Variants in L1CAM observed in about 807,000 individuals in gnomAD.
L1CAM encodes the protein neural cell adhesion molecule L1.
In L1CAM, 8 loss-of-function variants were observed where a neutral mutation model predicts 93.0. The ratio of observed to expected loss-of-function variants is 0.09; its 90% CI spans 0.05 to 0.16. L1CAM has a LOEUF of 0.16. L1CAM is among the 10% of genes least tolerant of loss of function. The pLI is 1.00. For synonymous variants in L1CAM, 453 were observed against 453.0 expected, an observed-to-expected ratio of 1.00 and a Z score of 0.00; for missense variants, 777 against 1,073.4, an observed-to-expected ratio of 0.72 and a Z score of 3.86.
Position 153,867,520 on chromosome X carries a change from G to A in L1CAM, c.1973C>T (p.Ala658Val). ...YDIEFEDKEM[A>V]PEKWYSLGKV... Reference sequence around the variant, plus strand: ...GCCCAGACTGTACCATTTTTCAGGCGCCATTTCCTTGTCCTCAAATTCAAT... The same window carrying A: ...GCCCAGACTGTACCATTTTTCAGGCACCATTTCCTTGTCCTCAAATTCAAT... The change falls in exon 17 of 29, where the codon GCG becomes GTG. Residue 658 changes from alanine (A) to valine (V), a missense_variant. Coordinates refer to ENST00000370060, the MANE Select transcript of L1CAM (RefSeq NM_001278116.2). The A allele has an allele frequency of 2.5e-6, 3 of 1,210,850 alleles. No homozygotes were observed. Among genetic ancestry groups the A allele is most frequent in the East Asian group, 3.0e-5 (1 of 33,860 alleles).
intron 1 of L1CAM, among the ~76,000 whole-genome samples, chrX:153,885,000 G>C (rs2148507567): frequency 8.9e-6 from 1 of 112,508 alleles, no homozygotes; most frequent in South Asian, 3.7e-4. Flanking sequence ...CTGGAGAAGG[G>C]GGCAGATGGC....
chrX:153,884,610 G>C (rs2064867456), intron 1 of L1CAM: 1 of 175,921 alleles, frequency 5.7e-6, no homozygotes. Context: ...AGCCAAGGAG[G>C]TGGGAAGGTC....
chrX:153,871,947 G>A (rs917837035), intron 5 of L1CAM, among the ~76,000 whole-genome samples: 29 of 105,113 alleles, frequency 2.8e-4, no homozygotes, highest in Non-Finnish European at 4.1e-4. Context: ...TGAGATGACC[G>A]GAAGTGCAAT....
chrX:153,866,583 T>C, intron 19 of L1CAM, 66 bp downstream of exon 19: 1 of 811,578 alleles, frequency 1.2e-6, no homozygotes, highest in Non-Finnish European at 1.9e-6. Flanking sequence ...CTGAGAGGTG[T>C]GGACATGGGC....
Position 153,868,626 on chromosome X carries a change from C to T in L1CAM, c.1481G>A (p.Arg494His), listed in dbSNP as rs782038855. 8 of 1,211,450 alleles carry T rather than the reference C, an allele frequency of 6.6e-6. No individual in the cohort carries two copies. Among genetic ancestry groups the T allele is most frequent in the Non-Finnish European group, 8.9e-6 (8 of 895,308 alleles). Residue 494 changes from arginine (R) to histidine (H), a missense_variant, in exon 13 of 29, where the codon CGC becomes CAC. This residue lies in a region of L1CAM where 574 missense variants were observed against 781.0 expected (regional missense o/e 0.73). Transcript: ENST00000370060. ...GTCATTGGCAGCCAGGCAGAAGTAGCGTCCGGTGTCATTGGCCTGGAGGTC... is the reference window on the plus strand; with the variant it reads ...GTCATTGGCAGCCAGGCAGAAGTAGTGTCCGGTGTCATTGGCCTGGAGGTC... The part of the protein sequence containing the change: ...IRDLQANDTG[R>H]YFCLAANDQN...
Position 153,865,327 on chromosome X carries a change from G to A in L1CAM, c.2721C>T (p.Ser907=), listed in dbSNP as rs200799618. The A allele has an allele frequency of 6.8e-5, 82 of 1,209,205 alleles. No individual in the cohort carries two copies. Among genetic ancestry groups the A allele is most frequent in the Non-Finnish European group, 8.2e-5 (73 of 894,802 alleles). The change falls in exon 21 of 29, where the codon AGC becomes AGT. Residue 907 remains serine, a synonymous_variant. Coordinates refer to ENST00000370060, the MANE Select transcript of L1CAM (RefSeq NM_001278116.2). The part of the protein sequence containing the change: ...AFNGRGSGPA[S]EFTFSTPEGV... ...CCTCTGGGGTGCTGAAGGTGAACTCGCTGGCGGGCCCCGATCCTCGCCCGT... is the reference window on the plus strand; with the variant it reads ...CCTCTGGGGTGCTGAAGGTGAACTCACTGGCGGGCCCCGATCCTCGCCCGT...
At chrX:153,878,689 A>G (rs1557095124) in intron 1 of L1CAM, among the ~76,000 whole-genome samples, 1 of 111,589 alleles carries the variant, frequency 9.0e-6, no homozygotes, top group Non-Finnish European at 1.9e-5. Flanking sequence ...GAAAAGCTCA[A>G]AGAAGGACCC....
chrX:153,863,795 T>C (rs2064685637), intron 26 of L1CAM, 88 bp downstream of exon 26: 1 of 1,146,641 alleles, frequency 8.7e-7, no homozygotes, highest in South Asian at 1.8e-5. Flanking sequence ...GCTCGGGGAA[T>C]CCAGGAGGCC....
At chrX:153,884,397 G>C in intron 1 of L1CAM, 2 of 369,023 alleles carry the variant, frequency 5.4e-6, no homozygotes, top group Non-Finnish European at 8.5e-6. Context: ...TTAGGAGCGC[G>C]GTGTAGCAAA....
intron 1 of L1CAM, 98 bp from the exon 2 acceptor site, chrX:153,876,042 C>T (rs1409668750): frequency 4.3e-6 from 2 of 461,789 alleles, no homozygotes; most frequent in South Asian, 3.1e-5. Flanking sequence ...GGGCTCTTGG[C>T]CCCGCCCTCA....
chrX:153,882,773 G>A (rs1336739301), intron 1 of L1CAM, among the ~76,000 whole-genome samples: 2 of 111,641 alleles, frequency 1.8e-5, no homozygotes, highest in Non-Finnish European at 3.8e-5. Flanking sequence ...CCTGCTGGGT[G>A]TAAGGGCCAG....
At chrX:153,875,037 C>T (rs1471726303) in intron 2 of L1CAM, among the ~76,000 whole-genome samples, 1 of 112,078 alleles carries the variant, frequency 8.9e-6, no homozygotes, top group African/African-American at 3.2e-5. Context: ...AATATCTACG[C>T]TCAGTCAATC....
chrX:153,870,981 GAA>G, intron 6 of L1CAM, 21 bp from the exon 7 acceptor site: 1 of 1,211,189 alleles, frequency 8.3e-7, no homozygotes, highest in Non-Finnish European at 1.1e-6. Flanking sequence ...CAAGGAGGCC[GAA>G]GTCATGACCC....
intron 8 of L1CAM, 57 bp downstream of exon 8, chrX:153,870,331 C>T (rs2064756729): frequency 8.5e-7 from 1 of 1,180,335 alleles, no homozygotes; most frequent in African/African-American, 1.8e-5. Context: ...TCTGAGCTCC[C>T]TGCTAGGGCT....
chrX:153,872,718 G>T, intron 3 of L1CAM, 21 bp from the exon 4 acceptor site: 1 of 1,139,914 alleles, frequency 8.8e-7, no homozygotes, highest in Non-Finnish European at 1.2e-6. Context: ...GGTGGAGAGA[G>T]CGGTGGTGAG....
chrX:153,868,191 C>T lies in L1CAM; in HGVS notation c.1704-69G>A. The T allele has an allele frequency of 7.6e-6, 9 of 1,184,438 alleles. No homozygotes were observed. In the South Asian group the frequency reaches 1.6e-4, roughly 21 times the overall value. ...CTCCCCTCCCATCCCTCCCTCCTGT[C>T]TCCTTCCCCCGCTCCTGTCAGAGCC... is the stretch of plus-strand genomic sequence containing the variant. On this transcript the variant is annotated intron_variant, in intron 14 of 28. Transcript: ENST00000370060.
chrX:153,873,005 C>T, intron 3 of L1CAM: 1 of 461,435 alleles, frequency 2.2e-6, no homozygotes, highest in East Asian at 3.7e-5. Flanking sequence ...GGAGAAGGGA[C>T]CAGAGAGAAT....
intron 19 of L1CAM, among the ~76,000 whole-genome samples, chrX:153,866,393 G>A (rs1434152208): frequency 1.8e-5 from 2 of 110,894 alleles, no homozygotes; most frequent in African/African-American, 3.3e-5. Context: ...AAACTTGACC[G>A]GGTACTTCAA....
intron 1 of L1CAM, chrX:153,880,678 G>A (rs1212858020): frequency 8.9e-6 from 3 of 338,764 alleles, no homozygotes; most frequent in African/African-American, 2.7e-5. Context: ...CCCAGGCCGT[G>A]GCTGGCGGGT....
Sources: allele counts gnomAD v4.1 joint callset (sites outside exome capture counted in the v4.1 genomes callset), GRCh38; gene constraint gnomAD v4.1.1; regional missense constraint gnomAD v4.1.1; transcripts MANE v1.5; gene names NCBI Gene and HGNC (gene_info 2026-07-23, HGNC 2026-07-21).